Variants in TENM3 observed in about 807,000 individuals in gnomAD.
TENM3 encodes the protein teneurin transmembrane protein 3.
Under a neutral mutation model 255.1 loss-of-function variants are expected in TENM3, and 63 were observed. That is an observed-to-expected ratio of 0.25 (90% confidence interval 0.20 to 0.30). The LOEUF is 0.30. Ranked by LOEUF, TENM3 falls within the 10% of genes least tolerant of loss-of-function variation. The pLI is 1.00. For missense variants in TENM3, 2,929 were observed against 3,461.1 expected, an observed-to-expected ratio of 0.85 and a Z score of 3.86; for synonymous variants, 1,306 against 1,322.3, an observed-to-expected ratio of 0.99 and a Z score of 0.27.
intron 13 of TENM3, 40 bp downstream of exon 13, chr4:182,714,273 C>G (rs2152678640): frequency 7.0e-7 from 1 of 1,426,008 alleles, no homozygotes; most frequent in Non-Finnish European, 9.4e-7. Context: ...TGTGCCAGAG[C>G]ACAGGTTCGT....
intron 4 of TENM3, among the ~76,000 whole-genome samples, chr4:182,620,119 T>C (rs1749960912): frequency 6.6e-6 from 1 of 152,202 alleles, no homozygotes; most frequent in African/African-American, 2.4e-5. Flanking sequence ...CCCAGAGCTG[T>C]ATGACTCGGC....
chr4:182,405,588 G>C (rs1004978768), intron 3 of TENM3, among the ~76,000 whole-genome samples: 4 of 152,216 alleles, frequency 2.6e-5, no homozygotes, highest in Admixed American at 2.6e-4. Flanking sequence ...AACGTTCAGT[G>C]AGTACTTGTG....
At chr4:181,568,669 A>G in the TENM3 span, among the ~76,000 whole-genome samples, 1 of 152,146 alleles carries the variant, frequency 6.6e-6, no homozygotes, top group East Asian at 1.9e-4. Flanking sequence ...TTCTCAGGCA[A>G]TAGAGTCCTC....
chr4:181,480,467 T>C, the TENM3 span, among the ~76,000 whole-genome samples: 2 of 152,248 alleles, frequency 1.3e-5, no homozygotes, highest in African/African-American at 4.8e-5. Context: ...AAACATACGA[T>C]TCAGTGTTAA....
chr4:181,874,975 G>C, the TENM3 span, among the ~76,000 whole-genome samples: 3 of 152,170 alleles, frequency 2.0e-5, no homozygotes, highest in East Asian at 5.8e-4. Flanking sequence ...TATATATCGT[G>C]TCCAGTTTTA....
intron 3 of TENM3, among the ~76,000 whole-genome samples, chr4:182,561,434 A>G (rs1281735869): frequency 6.6e-6 from 1 of 151,644 alleles, no homozygotes; most frequent in East Asian, 1.9e-4. Context: ...GATTTTGATG[A>G]TATTTGTATA....
intron 12 of TENM3, among the ~76,000 whole-genome samples, chr4:182,704,383 T>G (rs1454545721): frequency 6.6e-6 from 1 of 152,190 alleles, no homozygotes; most frequent in Admixed American, 6.5e-5. Context: ...TAGTCCATGG[T>G]CAGGCATGAA....
At chr4:182,414,053 T>C (rs942307482) in intron 3 of TENM3, among the ~76,000 whole-genome samples, 3 of 152,246 alleles carry the variant, frequency 2.0e-5, no homozygotes, top group Non-Finnish European at 4.4e-5. Context: ...GTTGAAGATC[T>C]TGTTTATTAC....
At chr4:182,263,526 G>C (rs1340634476) in intron 1 of TENM3, among the ~76,000 whole-genome samples, 1 of 152,120 alleles carries the variant, frequency 6.6e-6, no homozygotes, top group Non-Finnish European at 1.5e-5. Flanking sequence ...CATCTGCGTT[G>C]CACTCTTTAT....
In TENM3 at chr4:182,799,673, G is replaced by C; in HGVS notation, c.7422G>C (p.Gln2474His). 1 of 1,548,798 alleles carries C rather than the reference G, an allele frequency of 6.5e-7. No homozygotes were observed. Among genetic ancestry groups the C allele is most frequent in the Non-Finnish European group, 8.7e-7 (1 of 1,146,620 alleles). The change falls in exon 28 of 28, where the codon CAG (glutamine) becomes CAC (histidine). Residue 2474 changes from glutamine (Q) to histidine (H), a missense_variant. This residue lies in a region of TENM3 where 476 missense variants were observed against 480.1 expected (regional missense o/e 0.99). Transcript: ENST00000511685. This position sits in a 1 kb window ranked among gnomAD's most constrained non-coding sequence, Gnocchi z 4.2. ...FLSLGKMAEV[Q>H]VSRRRAGGAQ... is the part of the protein sequence containing the mutation. ...CGCTGGGGAAGATGGCCGAGGTGCA[G>C]GTGAGCCGGCGCCGGGCCGGCGGCG... is the stretch of plus-strand genomic sequence containing the variant.
chr4:181,626,438 C>G, the TENM3 span, among the ~76,000 whole-genome samples: 1 of 152,114 alleles, frequency 6.6e-6, no homozygotes, highest in East Asian at 1.9e-4. Flanking sequence ...GTTGCATTGG[C>G]TCATGGTTCT....
chr4:182,622,115 C>T (rs1409398690), intron 4 of TENM3, among the ~76,000 whole-genome samples: 1 of 151,978 alleles, frequency 6.6e-6, no homozygotes, highest in East Asian at 1.9e-4. Context: ...AATCCCAGCA[C>T]TTTGGGAGGC....
the TENM3 span, among the ~76,000 whole-genome samples, chr4:181,684,020 A>T: frequency 6.6e-6 from 1 of 152,202 alleles, no homozygotes; most frequent in African/African-American, 2.4e-5. Context: ...AACAAATAGT[A>T]GTTATTATTG....
At chr4:181,888,898 T>C in the TENM3 span, among the ~76,000 whole-genome samples, 6 of 151,574 alleles carry the variant, frequency 4.0e-5, no homozygotes, top group Non-Finnish European at 8.8e-5. Context: ...TTTGTTCTAT[T>C]TGGGCCCTCA....
At chr4:181,551,270 G>A in the TENM3 span, among the ~76,000 whole-genome samples, 208 of 152,102 alleles carry the variant, frequency 1.4e-3, 1 homozygote, top group Non-Finnish European at 2.4e-3. Flanking sequence ...AAACCTGAAG[G>A]AAGTAAAAAT....
chr4:181,945,913 A>AAT, the TENM3 span, among the ~76,000 whole-genome samples: 1 of 151,818 alleles, frequency 6.6e-6, no homozygotes, highest in African/African-American at 2.4e-5. Context: ...AGTCTGGAGA[A>AAT]ATATATATAC....
chr4:182,408,974 C>T (rs964811948), intron 3 of TENM3, among the ~76,000 whole-genome samples: 11 of 152,322 alleles, frequency 7.2e-5, no homozygotes, highest in South Asian at 2.1e-4. Flanking sequence ...TTACAGATAA[C>T]GAGGACCAGT....
At chr4:181,502,844 C>G in the TENM3 span, among the ~76,000 whole-genome samples, 1 of 152,112 alleles carries the variant, frequency 6.6e-6, no homozygotes, top group Non-Finnish European at 1.5e-5. Context: ...AGGTGTGCTG[C>G]CGACAATAAA....
chr4:182,567,292 T>A (rs1379778046), intron 3 of TENM3, among the ~76,000 whole-genome samples: 1 of 152,190 alleles, frequency 6.6e-6, no homozygotes, highest in African/African-American at 2.4e-5. Flanking sequence ...CACCATTGTC[T>A]CTCACCTGGA....
Sources: gnomAD v4.1 joint callset for allele counts (sites outside exome capture counted in the v4.1 genomes callset) on GRCh38, gnomAD v4.1.1 for gene constraint, gnomAD v4.1.1 regional missense constraint, Gnocchi (gnomAD v3.1) non-coding constraint, MANE v1.5 for transcripts, NCBI Gene and HGNC (gene_info 2026-07-23, HGNC 2026-07-21) for gene names.